The following SLC9A9 variants were observed in gnomAD, a reference collection of about 807,000 sequenced individuals.
SLC9A9 encodes solute carrier family 9 member A9.
SLC9A9 carries 62 observed loss-of-function variants against 77.8 expected under a neutral mutation model. The ratio of observed to expected loss-of-function variants is 0.80; its 90% confidence interval spans 0.65 to 0.98. The LOEUF is 0.98. Ranked by LOEUF, SLC9A9 falls within the 50% of genes least tolerant of loss-of-function variation. The pLI, the probability that SLC9A9 is intolerant of heterozygous loss-of-function variation, is 0.00. For missense variants in SLC9A9, 775 were observed against 774.9 expected (o/e 1.00, Z 0.00); for synonymous variants, 320 against 283.5 (o/e 1.13, Z -1.29).
intron 12 of SLC9A9, among the ~76,000 whole-genome samples, chr3:143,400,011 T>C (rs965795114): frequency 3.3e-5 from 5 of 152,212 alleles, no homozygotes; most frequent in African/African-American, 1.2e-4. Flanking sequence ...ATGTAGTTCA[T>C]GATAAGGCAT....
chr3:143,284,729 C>T (rs931775404), intron 14 of SLC9A9, among the ~76,000 whole-genome samples: 1 of 152,074 alleles, frequency 6.6e-6, no homozygotes, highest in African/African-American at 2.4e-5. Flanking sequence ...TCTAAACATT[C>T]TCCTAATCAT....
chr3:143,574,013 G>A, intron 8 of SLC9A9, 75 bp downstream of exon 8: 1 of 1,285,912 alleles, frequency 7.8e-7, no homozygotes, highest in South Asian at 1.2e-5. Context: ...CCTCCTGCTA[G>A]GTCAGGGAGG....
At chr3:143,560,339 C>T (rs1278904287) in intron 8 of SLC9A9, among the ~76,000 whole-genome samples, 2 of 152,140 alleles carry the variant, frequency 1.3e-5, no homozygotes, top group African/African-American at 4.8e-5. Flanking sequence ...CTTGTATGTC[C>T]CCAAAAGATA....
chr3:143,542,360 T>TA (rs1006539364), intron 9 of SLC9A9, among the ~76,000 whole-genome samples: 9 of 152,072 alleles, frequency 5.9e-5, no homozygotes, highest in African/African-American at 2.2e-4. Flanking sequence ...ATTAGAGTAA[T>TA]AAAAAAAGGC....
intron 12 of SLC9A9, among the ~76,000 whole-genome samples, chr3:143,427,174 A>G (rs1299642404): frequency 6.6e-6 from 1 of 152,242 alleles, no homozygotes; most frequent in Non-Finnish European, 1.5e-5. Flanking sequence ...AGGCTAAAGC[A>G]TGACATAGGT....
chr3:143,666,126 C>T (rs941417549), intron 5 of SLC9A9, among the ~76,000 whole-genome samples: 11 of 152,290 alleles, frequency 7.2e-5, no homozygotes, highest in African/African-American at 2.6e-4. Flanking sequence ...CATCAAAAAG[C>T]TTATCCACCA....
intron 14 of SLC9A9, among the ~76,000 whole-genome samples, chr3:143,348,561 C>CT (rs1187177299): frequency 6.6e-6 from 1 of 152,082 alleles, no homozygotes; most frequent in Non-Finnish European, 1.5e-5. Flanking sequence ...CTAGGCATCT[C>CT]TTTTTTTCAT....
At chr3:143,303,807 G>T (rs16853386) in intron 14 of SLC9A9, among the ~76,000 whole-genome samples, 2 of 152,022 alleles carry the variant, frequency 1.3e-5, no homozygotes, top group African/African-American at 4.8e-5. Context: ...AAACTTGCCA[G>T]GCCCATTTGA....
chr3:143,520,495 G>A (rs1007626609), intron 9 of SLC9A9, among the ~76,000 whole-genome samples: 1 of 152,152 alleles, frequency 6.6e-6, no homozygotes, highest in Non-Finnish European at 1.5e-5. Flanking sequence ...CTACCCAGTG[G>A]TATTCTGTTA....
At chr3:143,309,531 G>A (rs537182382) in intron 14 of SLC9A9, among the ~76,000 whole-genome samples, 20 of 151,980 alleles carry the variant, frequency 1.3e-4, no homozygotes, top group African/African-American at 4.6e-4. Flanking sequence ...TGATTTCTCA[G>A]TAGTTTTTAT....
chr3:143,623,977 C>T (rs1348155618), intron 6 of SLC9A9, among the ~76,000 whole-genome samples: 2 of 152,158 alleles, frequency 1.3e-5, no homozygotes, highest in Admixed American at 6.5e-5. Context: ...TCAGAGAATA[C>T]TATAAACACC....
At chr3:143,389,156 T>A (rs990532624) in intron 12 of SLC9A9, among the ~76,000 whole-genome samples, 3 of 152,184 alleles carry the variant, frequency 2.0e-5, no homozygotes, top group Admixed American at 6.5e-5. Flanking sequence ...TGTTTCTCTG[T>A]AGGCAGTAGG....
intron 7 of SLC9A9, among the ~76,000 whole-genome samples, chr3:143,577,515 C>G (rs2108661785): frequency 6.6e-6 from 1 of 152,260 alleles, no homozygotes; most frequent in South Asian, 2.1e-4. Context: ...CAGCCTTGTC[C>G]CAGTTTGAGT....
At chr3:143,441,874 C>A (rs1244086993) in intron 12 of SLC9A9, among the ~76,000 whole-genome samples, 2 of 151,934 alleles carry the variant, frequency 1.3e-5, no homozygotes, top group African/African-American at 4.8e-5. Context: ...ATCCATCCAT[C>A]CATCCACTCA....
chr3:143,320,881 G>A (rs1040650353), intron 14 of SLC9A9, among the ~76,000 whole-genome samples: 38 of 152,110 alleles, frequency 2.5e-4, no homozygotes, highest in Non-Finnish European at 4.4e-5. Context: ...AATATAACTG[G>A]GGCCTTTAAA....
Position 143,302,574 on chromosome 3 carries a change from A to G in SLC9A9, c.1605-33594T>C, listed in dbSNP as rs73008223. Among the ~76,000 whole-genome samples, 676 of 152,188 alleles carry G rather than the reference A, an allele frequency of 4.4e-3. 6 individuals carry two copies. Among genetic ancestry groups the G allele is most frequent in the African/African-American group, 0.016 (659 of 41,528 alleles). ...AGAGAGCCCCTGAAACAGCCAGATA[A>G]GAAGGAAAAATAGCAGGAGGGAAGG... On this transcript the variant is annotated intron_variant, in intron 14 of 15. Coordinates refer to ENST00000316549, the MANE Select transcript of SLC9A9 (RefSeq NM_173653.4).
chr3:143,275,552 T>A (rs973137673), intron 14 of SLC9A9, among the ~76,000 whole-genome samples: 1 of 152,168 alleles, frequency 6.6e-6, no homozygotes, highest in African/African-American at 2.4e-5. Context: ...TATTTCTGAT[T>A]TTTTTCTTCC....
chr3:143,756,976 A>G (rs980414924), intron 4 of SLC9A9, among the ~76,000 whole-genome samples: 10 of 152,192 alleles, frequency 6.6e-5, no homozygotes, highest in African/African-American at 2.4e-4. Context: ...CGCATAAATC[A>G]TGTATAAACA....
At chr3:143,600,284 G>C (rs895099068) in intron 6 of SLC9A9, among the ~76,000 whole-genome samples, 3 of 152,024 alleles carry the variant, frequency 2.0e-5, no homozygotes, top group Non-Finnish European at 2.9e-5. Flanking sequence ...GCGGTGTTTG[G>C]TTTTCCGTTC....
Sources: gnomAD v4.1 joint callset for allele counts (sites outside exome capture counted in the v4.1 genomes callset) on GRCh38, gnomAD v4.1.1 for gene constraint, MANE v1.5 for transcripts, NCBI Gene and HGNC (gene_info 2026-07-23, HGNC 2026-07-21) for gene names.